The following LINGO1 variants were observed in gnomAD, a reference collection of about 807,000 sequenced individuals.
LINGO1 encodes the protein leucine rich repeat and Ig domain containing 1.
LINGO1 carries 11 observed loss-of-function variants against 37.3 expected under a neutral mutation model. That is an observed-to-expected ratio of 0.29 (90% CI 0.19 to 0.49). LINGO1 has a LOEUF of 0.49. Ranked by LOEUF, LINGO1 falls within the 20% of genes least tolerant of loss-of-function variation. The pLI, the probability that LINGO1 is intolerant of heterozygous loss-of-function variation, is 0.99. For synonymous variants in LINGO1, 387 were observed against 403.0 expected (o/e 0.96, Z 0.48); for missense variants, 585 against 878.2 (o/e 0.67, Z 4.22).
rs190909633 is a variant in LINGO1 at position 77,718,910 on chromosome 15, C to T, written c.-195+16082G>A. ...GGTAGGGCGAGAAGAAGCTCCTAAC[C>T]TTATTTCCTCATTTCTAGCAGCAAG... On this transcript the variant is annotated intron_variant, in intron 2 of 3. Coordinates refer to the LINGO1 transcript ENST00000561686. 2.6e-4 allele frequency among the ~76,000 whole-genome samples: 39 copies of T among 150,788 alleles called. 3 individuals are homozygous for T. Among genetic ancestry groups the T allele is most frequent in the Admixed American group, 3.3e-4 (5 of 15,122 alleles).
chr15:77,632,330 C>T lies in LINGO1; in HGVS notation c.-15G>A, dbSNP rs759567479. ...CTCACCTGCATCTCGGGCGCGCCTT[C>T]GGTCCGCTCGGCTCGGTCACCAATC... On this transcript the variant is annotated 5_prime_UTR_variant, in exon 1 of 2. Coordinates refer to ENST00000355300, the MANE Select transcript of LINGO1 (RefSeq NM_032808.7). The surrounding 1 kb of genome is among the most constrained non-coding windows in gnomAD (Gnocchi z 6.0). 107 of 1,437,040 alleles carry T rather than the reference C, an allele frequency of 7.4e-5. No individual in the cohort carries two copies. In the East Asian group the frequency reaches 2.4e-3, roughly 32 times the overall value. The allele number at this position is 1,437,040 out of a possible 1,614,324, so 89.0% of individuals were successfully genotyped here.
At chr15:77,690,763 T>G (rs1383222869) in exon 2 of LINGO1, 1 of 152,232 alleles carries the variant, frequency 6.6e-6, no homozygotes, top group Non-Finnish European at 1.5e-5. Flanking sequence ...GCTTGAGAAG[T>G]CCCCTTGGCC....
chr15:77,811,142 T>A lies in LINGO1; in HGVS notation c.-458+9116A>T, dbSNP rs544159412. On this transcript the variant is annotated intron_variant, in intron 1 of 5. Coordinates refer to the LINGO1 transcript ENST00000562933. ...CTGCCAGGCCAGCCTTCCCACCACC[T>A]TCCCGGTTGCTCCCACAGGGTGGCC... Among the ~76,000 whole-genome samples, 25 of 108,640 alleles carry A rather than the reference T, an allele frequency of 2.3e-4. 1 individual carries two copies. In the East Asian group the frequency reaches 7.5e-3, roughly 33 times the overall value. 71.3% of individuals were successfully genotyped at this position (108,640 alleles called of 152,430 possible). A position where few individuals can be genotyped will look rare whatever the true frequency, so the allele number is the denominator to read the frequency against.
intron 3 of LINGO1, among the ~76,000 whole-genome samples, chr15:77,674,749 A>G (rs985165137): frequency 2.0e-5 from 3 of 151,586 alleles, no homozygotes; most frequent in African/African-American, 7.3e-5. Context: ...GTTGCCCAAC[A>G]CTTCCCATCC....
At chr15:77,732,816 A>G (rs1297177058) in intron 2 of LINGO1, among the ~76,000 whole-genome samples, 1 of 152,196 alleles carries the variant, frequency 6.6e-6, no homozygotes, top group Non-Finnish European at 1.5e-5. Flanking sequence ...GCCCCCCAGC[A>G]CGCATGTTCA....
intron 2 of LINGO1, among the ~76,000 whole-genome samples, chr15:77,793,237 C>T (rs1248260135): frequency 1.3e-5 from 2 of 152,156 alleles, no homozygotes; most frequent in Non-Finnish European, 2.9e-5. Flanking sequence ...CACCACGGAT[C>T]CCACCACTGA....
At chr15:77,616,082 C>T (rs2073710404) in intron 1 of LINGO1, among the ~76,000 whole-genome samples, 182 bp from the exon 2 acceptor site, 1 of 152,130 alleles carries the variant, frequency 6.6e-6, no homozygotes, top group African/African-American at 2.4e-5. Context: ...CCCCTCCTTG[C>T]CTCTTACCCT....
intron 2 of LINGO1, among the ~76,000 whole-genome samples, chr15:77,703,900 G>T (rs2075816032): frequency 6.6e-6 from 1 of 152,140 alleles, no homozygotes; most frequent in Non-Finnish European, 1.5e-5. Flanking sequence ...GCAGAAAGAG[G>T]AAGAAGATTC....
chr15:77,771,506 C>T (rs551998935), intron 1 of LINGO1, among the ~76,000 whole-genome samples: 2 of 152,266 alleles, frequency 1.3e-5, no homozygotes, highest in East Asian at 3.9e-4. Flanking sequence ...CCTACAAAAC[C>T]AAGGGTCTGA....
intron 1 of LINGO1, among the ~76,000 whole-genome samples, chr15:77,773,271 TG>T (rs1209610356): frequency 2.0e-5 from 3 of 152,276 alleles, no homozygotes; most frequent in Middle Eastern, 3.4e-3. Context: ...CAGCAGGCTG[TG>T]GGGGAAGAGA....
chr15:77,813,109 C>A (rs1404329661), intron 1 of LINGO1, among the ~76,000 whole-genome samples: 2 of 152,234 alleles, frequency 1.3e-5, no homozygotes, highest in African/African-American at 4.8e-5. Context: ...ACAAACCGCC[C>A]CCAGGCCTTG....
chr15:77,798,778 C>T (rs2076893747), intron 1 of LINGO1, among the ~76,000 whole-genome samples: 1 of 152,128 alleles, frequency 6.6e-6, no homozygotes, highest in African/African-American at 2.4e-5. Context: ...GCCCAGGGAG[C>T]TCTCAGCCTG....
chr15:77,732,355 T>G (rs1438143301), intron 2 of LINGO1, among the ~76,000 whole-genome samples: 1 of 152,190 alleles, frequency 6.6e-6, no homozygotes, highest in Non-Finnish European at 1.5e-5. Flanking sequence ...AAAATTAAGT[T>G]CCCAAGTATA....
At chr15:77,702,611 C>T (rs1843584742) in intron 2 of LINGO1, among the ~76,000 whole-genome samples, 1 of 152,216 alleles carries the variant, frequency 6.6e-6, no homozygotes, top group African/African-American at 2.4e-5. Flanking sequence ...GGTAAGGAAA[C>T]TGAGGCTCAG....
intron 2 of LINGO1, among the ~76,000 whole-genome samples, chr15:77,793,636 T>A (rs1366139959): frequency 6.6e-6 from 1 of 152,104 alleles, no homozygotes; most frequent in African/African-American, 2.4e-5. Context: ...TCAGAAACCA[T>A]CAAAATACAC....
chr15:77,615,433 T>C lies in LINGO1; in HGVS notation c.474A>G (p.Leu158=), dbSNP rs2271397. The C allele has an allele frequency of 0.64, 1,039,314 of 1,613,144 alleles. 337,142 individuals carry two copies. The highest frequency in any genetic ancestry group is 0.8 in the East Asian group (36,033 of 44,818). Residue 158 remains leucine (L), a synonymous_variant, in exon 2 of 2, where the codon CTA becomes CTG. Transcript: ENST00000355300. ...LDISENKIVI[L]LDYMFQDLYN... is the part of the protein sequence containing the mutation. ...ACAGGTCCTGAAACATGTAGTCCAG[T>C]AGGATAACGATCTTGTTCTCGCTGA...
intron 2 of LINGO1, among the ~76,000 whole-genome samples, chr15:77,703,932 G>C (rs544848123): frequency 3.2e-4 from 49 of 152,302 alleles, no homozygotes; most frequent in African/African-American, 1.1e-3. Flanking sequence ...CATAGGAAGA[G>C]AGCTCTGCCA....
chr15:77,806,791 T>C (rs2076963673), intron 1 of LINGO1, among the ~76,000 whole-genome samples: 1 of 151,874 alleles, frequency 6.6e-6, no homozygotes, highest in Admixed American at 6.6e-5. Flanking sequence ...TCTCCAGGCT[T>C]GTCTCAAATT....
intron 1 of LINGO1, among the ~76,000 whole-genome samples, chr15:77,815,622 G>C (rs552053909): frequency 1.3e-5 from 2 of 152,256 alleles, no homozygotes; most frequent in Non-Finnish European, 2.9e-5. Flanking sequence ...ATTGGAGGCT[G>C]CATCTATGAC....
Sources: allele counts gnomAD v4.1 joint callset (sites outside exome capture counted in the v4.1 genomes callset), GRCh38; gene constraint gnomAD v4.1.1; non-coding constraint Gnocchi (gnomAD v3.1); transcripts MANE v1.5; gene names NCBI Gene and HGNC (gene_info 2026-07-23, HGNC 2026-07-21).